The following DCX variants were observed in gnomAD, a reference collection of about 807,000 sequenced individuals.
The protein encoded by DCX is neuronal migration protein doublecortin.
DCX carries 4 observed loss-of-function variants against 20.9 expected under a neutral mutation model. That is an observed-to-expected ratio of 0.19 (90% CI 0.09 to 0.44). DCX has a LOEUF of 0.44. Ranked by LOEUF, DCX falls within the 20% of genes least tolerant of loss-of-function variation. The pLI is 0.99. For synonymous variants in DCX, 103 were observed against 111.4 expected, an observed-to-expected ratio of 0.92 and a Z score of 0.47; for missense variants, 133 against 296.9, an observed-to-expected ratio of 0.45 and a Z score of 4.06.
chrX:111,373,085 GA>G (rs1338114143), intron 3 of DCX, among the ~76,000 whole-genome samples: 20 of 111,092 alleles, frequency 1.8e-4, no homozygotes, highest in Non-Finnish European at 3.4e-4. Flanking sequence ...GAAATGAAAT[GA>G]AATGAAATGA....
At chrX:111,369,263 C>T (rs1314638583) in intron 3 of DCX, among the ~76,000 whole-genome samples, 2 of 110,975 alleles carry the variant, frequency 1.8e-5, no homozygotes, top group Non-Finnish European at 3.8e-5. Context: ...ACAGACACAC[C>T]CAGGATCAAT....
chrX:111,367,385 G>A (rs1234550563), intron 3 of DCX, among the ~76,000 whole-genome samples: 1 of 111,765 alleles, frequency 8.9e-6, no homozygotes, highest in Non-Finnish European at 1.9e-5. Flanking sequence ...AGCATTGCAG[G>A]ATATCATTAT....
intron 6 of DCX, among the ~76,000 whole-genome samples, chrX:111,302,357 C>T (rs1017664707): frequency 1.8e-5 from 2 of 111,910 alleles, no homozygotes; most frequent in African/African-American, 3.2e-5. Flanking sequence ...TTGAAGCACA[C>T]GTTGAATGAT....
intron 6 of DCX, among the ~76,000 whole-genome samples, chrX:111,306,375 A>G (rs1333505032): frequency 8.9e-6 from 1 of 112,058 alleles, no homozygotes; most frequent in Non-Finnish European, 1.9e-5. Context: ...CAATATATCC[A>G]GAAAACATAA....
At chrX:111,382,720 C>A (rs1926075924) in intron 3 of DCX, among the ~76,000 whole-genome samples, 1 of 111,376 alleles carries the variant, frequency 9.0e-6, no homozygotes, top group Non-Finnish European at 1.9e-5. Flanking sequence ...AAAATAACTG[C>A]AAAACAATGA....
intron 5 of DCX, among the ~76,000 whole-genome samples, chrX:111,322,711 C>A (rs1279246235): frequency 8.9e-6 from 1 of 111,975 alleles, no homozygotes; most frequent in Non-Finnish European, 1.9e-5. Context: ...AAGCTTTTGT[C>A]CCTCTCCCTA....
intron 1 of DCX, chrX:111,411,098 C>A: frequency 3.5e-6 from 2 of 565,449 alleles, no homozygotes; most frequent in East Asian, 3.5e-5. Context: ...TTCATCAAAC[C>A]CTTTCCCCAC....
intron 5 of DCX, among the ~76,000 whole-genome samples, chrX:111,323,075 A>G (rs1269041690): frequency 3.6e-5 from 4 of 111,774 alleles, no homozygotes; most frequent in African/African-American, 9.8e-5. Context: ...GTCAACATTT[A>G]TTTCCTACTG....
At chrX:111,379,998 T>C (rs1006995794) in intron 3 of DCX, among the ~76,000 whole-genome samples, 1 of 111,802 alleles carries the variant, frequency 8.9e-6, no homozygotes, top group Non-Finnish European at 1.9e-5. Context: ...GAAATATCTA[T>C]TCAAGGCTCT....
intron 6 of DCX, among the ~76,000 whole-genome samples, chrX:111,311,382 T>C (rs2095057397): frequency 8.9e-6 from 1 of 111,855 alleles, no homozygotes; most frequent in Admixed American, 9.5e-5. Flanking sequence ...AAAAGACTGA[T>C]ATAGAAAAAA....
intron 6 of DCX, among the ~76,000 whole-genome samples, chrX:111,304,670 CT>C (rs1231963549): frequency 2.7e-5 from 3 of 111,622 alleles, no homozygotes; most frequent in Non-Finnish European, 3.8e-5. Flanking sequence ...TGTGAACAGC[CT>C]TTTCAGGGGG....
chrX:111,355,485 GC>G (rs1462636624), intron 3 of DCX, among the ~76,000 whole-genome samples: 3 of 110,912 alleles, frequency 2.7e-5, no homozygotes, highest in Non-Finnish European at 5.7e-5. Flanking sequence ...GATAACATTT[GC>G]CTTTAATGGG....
At chrX:111,306,459 C>G (rs1353332291) in intron 6 of DCX, among the ~76,000 whole-genome samples, 1 of 111,210 alleles carries the variant, frequency 9.0e-6, no homozygotes, top group East Asian at 2.8e-4. Flanking sequence ...AAAGGAGAAA[C>G]AAACAATTCA....
At chrX:111,333,209 C>A in intron 3 of DCX, 56 bp from the exon 4 acceptor site, 1 of 903,113 alleles carries the variant, frequency 1.1e-6, no homozygotes, top group Non-Finnish European at 1.6e-6. Flanking sequence ...CAATGAACCT[C>A]ACACTACACT....
rs6642885 is a variant in DCX, at chrX:111,313,842, A to T, written c.947-1106T>A. 1.1e-3 allele frequency among the ~76,000 whole-genome samples: 113 copies of T among 104,881 alleles called. 7 individuals are homozygous for T. The East Asian group carries it at 0.032, about 30-fold the overall frequency. 91.1% of individuals were successfully genotyped at this position (104,881 alleles called of 115,157 possible). A position where few individuals can be genotyped will look rare whatever the true frequency, so the allele number is the denominator to read the frequency against. Reference sequence around the variant, plus strand: ...GAGATATTCTAAAATGTGCTTTAAAAACAAAGGCAAATATCCTGAGGGTGT... The same window carrying T: ...GAGATATTCTAAAATGTGCTTTAAATACAAAGGCAAATATCCTGAGGGTGT... On this transcript the variant is annotated intron_variant, in intron 5 of 6. Coordinates refer to ENST00000636035, the MANE Select transcript of DCX (RefSeq NM_001195553.2).
chrX:111,368,816 C>A (rs1348372163), intron 3 of DCX, among the ~76,000 whole-genome samples: 1 of 108,474 alleles, frequency 9.2e-6, no homozygotes, highest in African/African-American at 3.4e-5. Flanking sequence ...ATTTTTATAA[C>A]CATTTTATTG....
intron 2 of DCX, among the ~76,000 whole-genome samples, chrX:111,402,782 GGTGTGTGTGTGTGTGTGT>G (rs200058275): frequency 1.2e-4 from 12 of 96,854 alleles, no homozygotes; most frequent in South Asian, 5.3e-4. Context: ...GTGTGTGCGT[GGTGTGTGTGTGTGTGTGT>G]GTGTGTGTGT....
chrX:111,358,656 T>C (rs1477845264), intron 3 of DCX, among the ~76,000 whole-genome samples: 1 of 111,828 alleles, frequency 8.9e-6, no homozygotes, highest in Non-Finnish European at 1.9e-5. Flanking sequence ...GGTATAAAGT[T>C]TCCAAAACAG....
chrX:111,391,884 T>C (rs1190513252), intron 3 of DCX, among the ~76,000 whole-genome samples: 2 of 111,311 alleles, frequency 1.8e-5, no homozygotes, highest in East Asian at 5.7e-4. Context: ...CTAGGAAAAA[T>C]TGATAGACTG....
Sources: gnomAD v4.1 joint callset for allele counts (sites outside exome capture counted in the v4.1 genomes callset) on GRCh38, gnomAD v4.1.1 for gene constraint, MANE v1.5 for transcripts, NCBI Gene and HGNC (gene_info 2026-07-23, HGNC 2026-07-21) for gene names.